Variants in NR3C2 observed in about 807,000 individuals in gnomAD.
The protein encoded by NR3C2 is nuclear receptor subfamily 3 group C member 2, also known as mineralocorticoid receptor.
A neutral mutation model predicts 86.4 loss-of-function variants in NR3C2; 15 were observed. The ratio of observed to expected loss-of-function variants is 0.17; its 90% confidence interval spans 0.12 to 0.27. NR3C2 has a LOEUF of 0.27. Ranked by LOEUF, NR3C2 falls within the 10% of genes least tolerant of loss-of-function variation. NR3C2 has a pLI of 1.00. For missense variants in NR3C2, 960 were observed against 1,195.6 expected (o/e 0.80, Z 2.91); for synonymous variants, 458 against 450.5 (o/e 1.02, Z -0.21).
intron 8 of NR3C2, among the ~76,000 whole-genome samples, chr4:148,110,938 C>T (rs1732021381): frequency 6.6e-6 from 1 of 152,180 alleles, no homozygotes; most frequent in Non-Finnish European, 1.5e-5. Flanking sequence ...TACACTAGGG[C>T]TTCTCAGATA....
chr4:148,281,658 G>A (rs1166737822), intron 2 of NR3C2, among the ~76,000 whole-genome samples: 1 of 152,164 alleles, frequency 6.6e-6, no homozygotes, highest in East Asian at 1.9e-4. Flanking sequence ...AGGAGATCTA[G>A]CTCAATAACC....
chr4:148,315,592 C>T (rs1031510320), intron 2 of NR3C2, among the ~76,000 whole-genome samples: 6 of 152,186 alleles, frequency 3.9e-5, no homozygotes, highest in Non-Finnish European at 4.4e-5. Context: ...TTATCCAAAA[C>T]ACTTCTTCTG....
At chr4:148,299,275 A>G (rs1431892742) in intron 2 of NR3C2, among the ~76,000 whole-genome samples, 1 of 152,140 alleles carries the variant, frequency 6.6e-6, no homozygotes, top group Non-Finnish European at 1.5e-5. Context: ...AAGGTAAGTA[A>G]AATGCAGAAC....
intron 6 of NR3C2, among the ~76,000 whole-genome samples, chr4:148,136,436 G>A (rs1733346639): frequency 6.6e-6 from 1 of 152,040 alleles, no homozygotes; most frequent in African/African-American, 2.4e-5. Flanking sequence ...GCTTAAGCCT[G>A]CAGTTCTTTG....
intron 2 of NR3C2, among the ~76,000 whole-genome samples, chr4:148,265,190 G>A (rs1740313427): frequency 6.6e-6 from 1 of 152,096 alleles, no homozygotes; most frequent in Non-Finnish European, 1.5e-5. Context: ...GGAAACACAA[G>A]CAAGCTGCAA....
At chr4:148,277,934 C>G (rs529352892) in intron 2 of NR3C2, among the ~76,000 whole-genome samples, 3 of 152,048 alleles carry the variant, frequency 2.0e-5, no homozygotes, top group African/African-American at 7.3e-5. Flanking sequence ...ATGTGAGTCA[C>G]GAAATGAATT....
intron 3 of NR3C2, among the ~76,000 whole-genome samples, chr4:148,247,639 AT>A (rs1335400940): frequency 6.6e-6 from 1 of 151,160 alleles, no homozygotes; most frequent in Non-Finnish European, 1.5e-5. Flanking sequence ...GGGCCTTTTT[AT>A]TAGTGGGAAT....
intron 2 of NR3C2, among the ~76,000 whole-genome samples, chr4:148,385,886 A>T (rs1747240910): frequency 6.6e-6 from 1 of 152,120 alleles, no homozygotes. Flanking sequence ...CTGAATTCAC[A>T]CCACCACTGC....
intron 2 of NR3C2, among the ~76,000 whole-genome samples, chr4:148,285,728 CA>C (rs1278904928): frequency 1.3e-5 from 2 of 151,492 alleles, no homozygotes; most frequent in African/African-American, 2.4e-5. Context: ...AACAAACAAA[CA>C]AAAAAAACTT....
At chr4:148,288,632 C>G (rs974736372) in intron 2 of NR3C2, among the ~76,000 whole-genome samples, 2 of 152,218 alleles carry the variant, frequency 1.3e-5, no homozygotes, top group African/African-American at 4.8e-5. Context: ...TACTACCTCT[C>G]TCTTATATAC....
At chr4:148,357,846 G>A (rs1365273895) in intron 2 of NR3C2, among the ~76,000 whole-genome samples, 1 of 152,118 alleles carries the variant, frequency 6.6e-6, no homozygotes, top group Non-Finnish European at 1.5e-5. Context: ...GGTTTGATGA[G>A]GAGGGTTAAA....
At chr4:148,240,776 A>G (rs923698191) in intron 3 of NR3C2, among the ~76,000 whole-genome samples, 1 of 152,300 alleles carries the variant, frequency 6.6e-6, no homozygotes, top group East Asian at 1.9e-4. Flanking sequence ...GGAACAAAGG[A>G]ACACATCTGC....
intron 8 of NR3C2, among the ~76,000 whole-genome samples, chr4:148,111,728 C>T (rs1346860107): frequency 3.3e-5 from 5 of 152,004 alleles, no homozygotes; most frequent in Admixed American, 1.3e-4. Context: ...GGAAGCCAGA[C>T]CAAAAAAGAC....
intron 6 of NR3C2, among the ~76,000 whole-genome samples, chr4:148,124,771 TTC>T (rs1415932789): frequency 1.3e-5 from 2 of 152,202 alleles, no homozygotes; most frequent in African/African-American, 4.8e-5. Flanking sequence ...CTTTCATATC[TTC>T]TCACTTTTTA....
chr4:148,345,923 C>A (rs543293593), intron 2 of NR3C2, among the ~76,000 whole-genome samples: 2 of 152,154 alleles, frequency 1.3e-5, no homozygotes, highest in Admixed American at 1.3e-4. Flanking sequence ...ATGATGAGAG[C>A]TATGGAGGAT....
At chr4:148,088,066 T>G (rs1200920048) in intron 8 of NR3C2, among the ~76,000 whole-genome samples, 1 of 152,200 alleles carries the variant, frequency 6.6e-6, no homozygotes, top group Non-Finnish European at 1.5e-5. Flanking sequence ...GAAGAGACTC[T>G]TCTCAAAAGA....
chr4:148,223,511 T>A (rs2149830241), intron 3 of NR3C2, among the ~76,000 whole-genome samples: 1 of 152,298 alleles, frequency 6.6e-6, no homozygotes, highest in East Asian at 1.9e-4. Context: ...GGAAGCTGAC[T>A]TAAGAGCAAA....
At chr4:148,129,630 C>T (rs943022924) in intron 6 of NR3C2, among the ~76,000 whole-genome samples, 3 of 152,188 alleles carry the variant, frequency 2.0e-5, no homozygotes, top group Admixed American at 2.0e-4. Context: ...GAGTCTCGCT[C>T]TGTCACCCAG....
chr4:148,182,800 G>A (rs527468576), intron 4 of NR3C2, among the ~76,000 whole-genome samples: 1 of 152,150 alleles, frequency 6.6e-6, no homozygotes, highest in African/African-American at 2.4e-5. Flanking sequence ...TTCCTGGCTT[G>A]GTGGCCTTGG....
Sources: allele counts gnomAD v4.1 joint callset (sites outside exome capture counted in the v4.1 genomes callset), GRCh38; gene constraint gnomAD v4.1.1; transcripts MANE v1.5; gene names NCBI Gene and HGNC (gene_info 2026-07-23, HGNC 2026-07-21).